PCCA: variants seen among roughly 807,000 people sequenced by gnomAD.
The protein encoded by PCCA is propionyl-CoA carboxylase alpha chain, mitochondrial.
Under a neutral mutation model 101.3 loss-of-function variants are expected in PCCA, and 74 were observed. The observed-to-expected ratio is 0.73, with a 90% CI of 0.61 to 0.89. The LOEUF is 0.89. PCCA is among the 40% of genes least tolerant of loss of function. The pLI, the probability that PCCA is intolerant of heterozygous loss-of-function variation, is 0.00. For synonymous variants in PCCA, 294 were observed against 313.6 expected, an observed-to-expected ratio of 0.94 and a Z score of 0.66; for missense variants, 891 against 907.0, an observed-to-expected ratio of 0.98 and a Z score of 0.23.
intron 6 of PCCA, among the ~76,000 whole-genome samples, chr13:100,208,419 T>C (rs1161883158): frequency 6.6e-6 from 1 of 152,204 alleles, no homozygotes. Context: ...ATACCAACTC[T>C]GACAAGGTCG....
rs374124438 is a variant in PCCA at position 100,488,735 on chromosome 13, G to T, written c.1900-26692G>T. The stretch of plus-strand genomic sequence containing the variant: ...GCAGGAGGATCACTTGAGCCCAGGA[G>T]TTTGAGCCTGCAGTGAGCTAGGATC... On this transcript the variant is annotated intron_variant, in intron 21 of 23. Coordinates refer to ENST00000376285, the MANE Select transcript of PCCA (RefSeq NM_000282.4). 2.0e-5 allele frequency among the ~76,000 whole-genome samples: 3 copies of T among 151,536 alleles called. No individual in the cohort carries two copies. In the East Asian group the frequency reaches 5.9e-4, roughly 30 times the overall value.
chr13:100,341,973 A>ATATATATATATATATGTATG (rs1257478273), intron 18 of PCCA, among the ~76,000 whole-genome samples: 3 of 121,884 alleles, frequency 2.5e-5, no homozygotes, highest in Middle Eastern at 5.1e-3. Context: ...ATATATATAT[A>ATATATATATATATATGTATG]TATATATATG....
rs1287989397 is a variant in PCCA, at chr13:100,198,842, C to A, written c.469-10490C>A. On this transcript the variant is annotated intron_variant, in intron 6 of 23. Coordinates refer to ENST00000376285, the MANE Select transcript of PCCA (RefSeq NM_000282.4). ...CCTTTAGTGCTAAGTAAACATTTCA[C>A]CATGGTTCACTTTGTACAAAATGAG... 2.0e-5 allele frequency among the ~76,000 whole-genome samples: 3 copies of A among 152,042 alleles called. No homozygotes were observed. The East Asian group carries it at 5.8e-4, about 29-fold the overall frequency.
chr13:100,153,548 C>A (rs1288729120), intron 4 of PCCA, among the ~76,000 whole-genome samples: 1 of 152,078 alleles, frequency 6.6e-6, no homozygotes, highest in African/African-American at 2.4e-5. Flanking sequence ...CAGAAGAAAA[C>A]TACAATCACA....
intron 21 of PCCA, among the ~76,000 whole-genome samples, chr13:100,500,216 G>A (rs1431268296): frequency 2.6e-5 from 4 of 152,090 alleles, no homozygotes; most frequent in African/African-American, 9.7e-5. Flanking sequence ...ATTGTAGTAC[G>A]GTTGAAAGTC....
chr13:100,133,373 T>TAAA (rs1161017548), intron 4 of PCCA, among the ~76,000 whole-genome samples: 25 of 152,236 alleles, frequency 1.6e-4, no homozygotes, highest in African/African-American at 5.8e-4. Flanking sequence ...TGACAGTGTC[T>TAAA]ACTGCAGATC....
At chr13:100,462,316 T>G (rs746864604) in intron 21 of PCCA, among the ~76,000 whole-genome samples, 4 of 152,216 alleles carry the variant, frequency 2.6e-5, no homozygotes, top group Non-Finnish European at 5.9e-5. Context: ...AGTTTGGTTA[T>G]TAGTATTGCA....
intron 20 of PCCA, among the ~76,000 whole-genome samples, chr13:100,428,323 GA>G (rs2079301941): frequency 4.3e-5 from 2 of 46,278 alleles, no homozygotes; most frequent in Non-Finnish European, 4.2e-5. Flanking sequence ...CCTCCTCCCC[GA>G]CCCCCCCTAC....
chr13:100,154,690 A>G, intron 4 of PCCA: 3 of 376,752 alleles, frequency 8.0e-6, no homozygotes, highest in South Asian at 2.3e-5. Context: ...GTATTGATGA[A>G]CGGAATAGGA....
At chr13:100,494,572 A>C (rs2085135498) in intron 21 of PCCA, among the ~76,000 whole-genome samples, 1 of 151,674 alleles carries the variant, frequency 6.6e-6, no homozygotes. Context: ...AATCCCAGCT[A>C]CTCGGGAGGC....
chr13:100,380,376 A>G (rs980010118), intron 19 of PCCA, among the ~76,000 whole-genome samples: 2 of 152,164 alleles, frequency 1.3e-5, no homozygotes, highest in Non-Finnish European at 2.9e-5. Flanking sequence ...CCAACCAAAC[A>G]AACAAACCCA....
chr13:100,302,953 T>G lies in PCCA; in HGVS notation c.1239T>G (p.Ser413=), dbSNP rs774743046. The change falls in exon 14 of 24, where the codon TCT becomes TCG. Residue 413 remains serine (S), a synonymous_variant. Transcript: ENST00000376285. ...CCTACAAGTCTTTTGGTTTACCATCTATTGGGAGATTGTCTCAGTACCAAG... is the reference window on the plus strand; with the variant it reads ...CCTACAAGTCTTTTGGTTTACCATCGATTGGGAGATTGTCTCAGTACCAAG... ...EDPYKSFGLP[S]IGRLSQYQEP... The G allele has an allele frequency of 3.1e-6, 5 of 1,606,196 alleles. No individual in the cohort carries two copies. The highest frequency in any genetic ancestry group is 3.4e-6 in the Non-Finnish European group (4 of 1,172,990).
At chr13:100,233,065 G>A (rs1326073780) in intron 7 of PCCA, among the ~76,000 whole-genome samples, 1 of 152,040 alleles carries the variant, frequency 6.6e-6, no homozygotes, top group Non-Finnish European at 1.5e-5. Flanking sequence ...CACCACCAAC[G>A]AATTCAAAAT....
At chr13:100,263,803 ATACAGTATCTGTATATCATATATATG>A (rs1471834872) in intron 10 of PCCA, among the ~76,000 whole-genome samples, 5 of 143,942 alleles carry the variant, frequency 3.5e-5, no homozygotes, top group Non-Finnish European at 3.1e-5. Flanking sequence ...TATATCATAT[ATACAGTATCTGTATATCATATATATG>A]GTATCTGTAT....
intron 6 of PCCA, among the ~76,000 whole-genome samples, chr13:100,164,629 A>G (rs1440018328): frequency 1.3e-5 from 2 of 152,214 alleles, no homozygotes; most frequent in Non-Finnish European, 2.9e-5. Context: ...ATTAAGACTC[A>G]TTTTATTTTG....
intron 19 of PCCA, among the ~76,000 whole-genome samples, chr13:100,400,379 T>C (rs1389339961): frequency 6.6e-6 from 1 of 152,156 alleles, no homozygotes; most frequent in Non-Finnish European, 1.5e-5. Context: ...AAGTGAGAAC[T>C]ACATCACCTG....
At chr13:100,375,784 C>T (rs1332267890) in intron 19 of PCCA, among the ~76,000 whole-genome samples, 1 of 152,200 alleles carries the variant, frequency 6.6e-6, no homozygotes, top group Non-Finnish European at 1.5e-5. Flanking sequence ...ATCAAATTCA[C>T]ACATAACAAT....
intron 6 of PCCA, among the ~76,000 whole-genome samples, chr13:100,187,112 A>C (rs915307569): frequency 1.3e-5 from 2 of 152,242 alleles, no homozygotes; most frequent in African/African-American, 4.8e-5. Context: ...AAATGTAGCT[A>C]TACTGATACA....
intron 21 of PCCA, among the ~76,000 whole-genome samples, chr13:100,456,126 A>G (rs1272608735): frequency 1.3e-5 from 2 of 151,988 alleles, no homozygotes; most frequent in Non-Finnish European, 2.9e-5. Flanking sequence ...TGTTGTTTCA[A>G]TTTGCTTTAT....
Sources: gnomAD v4.1 joint callset for allele counts (sites outside exome capture counted in the v4.1 genomes callset) on GRCh38, gnomAD v4.1.1 for gene constraint, MANE v1.5 for transcripts, NCBI Gene and HGNC (gene_info 2026-07-23, HGNC 2026-07-21) for gene names.